PSEN1: variants seen among roughly 807,000 people sequenced by gnomAD.
The protein encoded by PSEN1 is presenilin 1.
A neutral mutation model predicts 53.5 loss-of-function variants in PSEN1; 15 were observed. The ratio of observed to expected loss-of-function variants is 0.28; its 90% CI spans 0.19 to 0.43. PSEN1 has a LOEUF of 0.43. Ranked by LOEUF, PSEN1 falls within the 20% of genes least tolerant of loss-of-function variation. The probability of loss-of-function intolerance (pLI) is 1.00; values close to 1 mark genes in which losing one functional copy is unlikely to be tolerated. For missense variants in PSEN1, 387 were observed against 571.2 expected (o/e 0.68, Z 3.29); for synonymous variants, 208 against 209.8 (o/e 0.99, Z 0.08).
rs121917809 is a variant in PSEN1 at position 73,211,811 on chromosome 14, A to G, written c.998A>G (p.Asp333Gly). The change falls in exon 10 of 12, where the codon GAT becomes GGT. Residue 333 changes from aspartate to glycine, a missense_variant. Around this residue, in one of 4 missense-constraint regions of PSEN1, gnomAD observed 75 missense variants for 63.7 expected, o/e 1.18. Coordinates refer to ENST00000324501, the MANE Select transcript of PSEN1 (RefSeq NM_000021.4). ...ESQDTVAENDDGGFSEEWEAQ... is the reference protein window; with the variant it reads ...ESQDTVAENDGGGFSEEWEAQ... Reference sequence around the variant, plus strand: ...CAAGACACTGTTGCAGAGAATGATGATGGCGGGTTCAGTGAGGAATGGGAA... The same window carrying G: ...CAAGACACTGTTGCAGAGAATGATGGTGGCGGGTTCAGTGAGGAATGGGAA... 4.1e-5 allele frequency: 66 copies of G among 1,614,124 alleles called. No individual in the cohort carries two copies. The African/African-American group carries it at 8.4e-4, about 21-fold the overall frequency.
chr14:73,155,472 A>G (rs1409675142), intron 3 of PSEN1, among the ~76,000 whole-genome samples: 1 of 152,194 alleles, frequency 6.6e-6, no homozygotes, highest in African/African-American at 2.4e-5. Context: ...AGGTATATTT[A>G]TATGTCTAGC....
At chr14:73,142,170 T>C (rs1594957049) in intron 1 of PSEN1, among the ~76,000 whole-genome samples, 1 of 152,234 alleles carries the variant, frequency 6.6e-6, no homozygotes, top group East Asian at 1.9e-4. Flanking sequence ...ATGTGATCCT[T>C]TAAAAACTCA....
intron 11 of PSEN1, 45 bp downstream of exon 11, chr14:73,217,289 A>G: frequency 1.2e-6 from 2 of 1,608,160 alleles, no homozygotes; most frequent in South Asian, 2.2e-5. Flanking sequence ...TTAATGTCAA[A>G]ACTTTGATTA....
chr14:73,174,088 A>G, intron 5 of PSEN1: 1 of 279,090 alleles, frequency 3.6e-6, no homozygotes, highest in African/African-American at 2.2e-5. Context: ...TTAGTTATCA[A>G]GATTTAGTGA....
chr14:73,181,227 G>A (rs1898203124), intron 5 of PSEN1, among the ~76,000 whole-genome samples: 1 of 151,912 alleles, frequency 6.6e-6, no homozygotes, highest in Admixed American at 6.6e-5. Context: ...ATCACCTGAG[G>A]TCAGAAGATC....
chr14:73,174,027 C>T, intron 5 of PSEN1: 3 of 521,194 alleles, frequency 5.8e-6, no homozygotes, highest in Non-Finnish European at 1.0e-5. Context: ...ATTTTATATG[C>T]ATGGAATCTA....
chr14:73,182,054 G>A (rs1898232828), intron 5 of PSEN1, among the ~76,000 whole-genome samples: 1 of 152,192 alleles, frequency 6.6e-6, no homozygotes, highest in Non-Finnish European at 1.5e-5. Flanking sequence ...GATAACAGGC[G>A]TGAGCCACTG....
At chr14:73,168,827 G>A (rs1897799573) in intron 3 of PSEN1, 1 of 152,346 alleles carries the variant, frequency 6.6e-6, no homozygotes. Context: ...GCTGGCACCT[G>A]GCCATCCCCG....
At chr14:73,169,891 C>T (rs1011667224) in intron 3 of PSEN1, among the ~76,000 whole-genome samples, 4 of 152,088 alleles carry the variant, frequency 2.6e-5, no homozygotes, top group Non-Finnish European at 5.9e-5. Flanking sequence ...AGTGATCTGC[C>T]CACCTTGGCC....
At chr14:73,147,134 C>T (rs1456420869) in intron 1 of PSEN1, among the ~76,000 whole-genome samples, 8 of 151,698 alleles carry the variant, frequency 5.3e-5, no homozygotes, top group Non-Finnish European at 7.4e-5. Context: ...TACAGATGCG[C>T]GCCACCACAC....
Position 73,192,732 on chromosome 14 carries a change from A to AT in PSEN1, c.639dup (p.His214SerfsTer17). The AT allele has an allele frequency of 6.2e-7, 1 of 1,614,070 alleles. No individual in the cohort carries two copies. Among genetic ancestry groups the AT allele is most frequent in the East Asian group, 2.2e-5 (1 of 44,874 alleles). On this transcript the variant is annotated frameshift_variant, in exon 7 of 12. Coordinates refer to ENST00000324501, the MANE Select transcript of PSEN1 (RefSeq NM_000021.4). LOFTEE classifies it high-confidence loss of function. Reference sequence around the variant, plus strand: ...TTTTGGTGTGGTGGGAATGATTTCCATTCACTGGAAAGGTCCACTTCGACT... The same window carrying AT: ...TTTTGGTGTGGTGGGAATGATTTCCATTTCACTGGAAAGGTCCACTTCGACT...
chr14:73,154,834 G>A (rs1486057738), intron 3 of PSEN1, among the ~76,000 whole-genome samples: 1 of 152,156 alleles, frequency 6.6e-6, no homozygotes, highest in East Asian at 1.9e-4. Flanking sequence ...CTTACTAATA[G>A]GGATAAAAAT....
At chr14:73,147,934 T>C in intron 2 of PSEN1, 33 bp from the exon 3 acceptor site, 2 of 994,472 alleles carry the variant, frequency 2.0e-6, no homozygotes, top group East Asian at 2.4e-5. Context: ...ATAATTGTAG[T>C]GCACAAAGTT....
chr14:73,157,623 TCTC>T (rs1365589936), intron 3 of PSEN1, among the ~76,000 whole-genome samples: 1 of 152,056 alleles, frequency 6.6e-6, no homozygotes, highest in Non-Finnish European at 1.5e-5. Flanking sequence ...AATCTCTCCT[TCTC>T]CTCCCTGATT....
intron 9 of PSEN1, among the ~76,000 whole-genome samples, chr14:73,209,195 A>T (rs758529628): frequency 1.3e-5 from 2 of 151,982 alleles, no homozygotes; most frequent in Non-Finnish European, 2.9e-5. Flanking sequence ...CTTCTGCCCC[A>T]CCAACTCAGA....
At chr14:73,136,486 C>CG (rs962666109), upstream of PSEN1, 4 of 152,896 alleles carry the variant, frequency 2.6e-5, no homozygotes, top group African/African-American at 9.6e-5. Context: ...CAGGCAGCTC[C>CG]GGGGTCCGCG....
chr14:73,139,307 G>A (rs1437560305), intron 1 of PSEN1: 1 of 150,056 alleles, frequency 6.7e-6, no homozygotes, highest in Non-Finnish European at 1.5e-5. Flanking sequence ...GCTGGGCACA[G>A]TGGCTCACAC....
intron 11 of PSEN1, among the ~76,000 whole-genome samples, chr14:73,217,793 TGA>T: frequency 7.1e-6 from 1 of 140,368 alleles, no homozygotes; most frequent in African/African-American, 2.7e-5. Flanking sequence ...TTCAAAACTA[TGA>T]TTTTTTTTTT....
chr14:73,147,533 C>A, intron 1 of PSEN1: 1 of 189,554 alleles, frequency 5.3e-6, no homozygotes, highest in South Asian at 9.8e-5. Context: ...GAGAACATTC[C>A]TTAAGATTAC....
Sources: allele counts gnomAD v4.1 joint callset (sites outside exome capture counted in the v4.1 genomes callset), GRCh38; gene constraint gnomAD v4.1.1; regional missense constraint gnomAD v4.1.1; transcripts MANE v1.5; gene names NCBI Gene and HGNC (gene_info 2026-07-23, HGNC 2026-07-21).